Variants in ZFP64 observed in about 807,000 individuals in gnomAD.
The protein encoded by ZFP64 is zinc finger protein 64.
Under a neutral mutation model 51.6 loss-of-function variants are expected in ZFP64, and 14 were observed. That is an observed-to-expected ratio of 0.27 (90% CI 0.18 to 0.42). The LOEUF (loss-of-function observed/expected upper bound fraction) is 0.42, where lower values mean the gene tolerates loss of function less well. Among genes scored for constraint, ZFP64 ranks in the 10% least tolerant of loss-of-function variants. The pLI is 1.00. For synonymous variants in ZFP64, 375 were observed against 361.4 expected (o/e 1.04, Z -0.43); for missense variants, 754 against 906.8 (o/e 0.83, Z 2.16).
chr20:52,104,776 C>T (rs1264827139), intron 5 of ZFP64: 2 of 568,450 alleles, frequency 3.5e-6, no homozygotes, highest in South Asian at 1.5e-5. Flanking sequence ...TCCAGGCGCG[C>T]AGCCGAAGCC....
rs1981070167 is a variant in ZFP64 at position 52,153,639 on chromosome 20, A to G, written c.764-211T>C. On this transcript the variant is annotated intron_variant, in intron 5 of 5. Transcript: ENST00000216923. The surrounding 1 kb of genome is among the most constrained non-coding windows in gnomAD (Gnocchi z 5.1). ...AACCACCACCACCGGTATCAAACCCAGAAGAAAAATGGGAGATCGAAAAGA... is the reference window on the plus strand; with the variant it reads ...AACCACCACCACCGGTATCAAACCCGGAAGAAAAATGGGAGATCGAAAAGA... Among the ~76,000 whole-genome samples the G allele has an allele frequency of 6.6e-6, 1 of 152,258 alleles. No individual in the cohort carries two copies. Among genetic ancestry groups the G allele is most frequent in the East Asian group, 1.9e-4 (1 of 5,196 alleles).
chr20:52,181,771 C>G lies in ZFP64; in HGVS notation c.286+5061G>C, dbSNP rs569380783. On this transcript the variant is annotated intron_variant, in intron 2 of 5. Coordinates refer to ENST00000216923, the MANE Select transcript of ZFP64 (RefSeq NM_018197.3). ...ACATTCAGATTCAGGAGGTGGAGCC[C>G]GGGCACCGGTATCCTTAACAAGCTC... 3.2e-4 allele frequency among the ~76,000 whole-genome samples: 49 copies of G among 152,304 alleles called. No individual in the cohort carries two copies. In the South Asian group the frequency reaches 8.7e-3, roughly 27 times the overall value.
intron 5 of ZFP64, among the ~76,000 whole-genome samples, chr20:52,138,882 A>G (rs1473208785): frequency 6.6e-6 from 1 of 152,208 alleles, no homozygotes; most frequent in Non-Finnish European, 1.5e-5. Context: ...GCCATACAGA[A>G]AACTATTAAA....
At chr20:52,167,337 AAAAT>A (rs949498886) in intron 2 of ZFP64, among the ~76,000 whole-genome samples, 51 of 152,244 alleles carry the variant, frequency 3.3e-4, no homozygotes, top group African/African-American at 1.1e-3. Context: ...AAAAAAATAA[AAAAT>A]AAATAAAAAT....
chr20:52,179,862 A>G (rs1983491300), intron 2 of ZFP64, among the ~76,000 whole-genome samples: 1 of 152,210 alleles, frequency 6.6e-6, no homozygotes, highest in Admixed American at 6.5e-5. Flanking sequence ...TAATTCTATG[A>G]TTTGTTATTT....
At chr20:52,106,066 A>T (rs1214329298) in intron 5 of ZFP64, among the ~76,000 whole-genome samples, 2 of 152,124 alleles carry the variant, frequency 1.3e-5, no homozygotes, top group African/African-American at 2.4e-5. Context: ...GTGTGTTTTT[A>T]TATAGCACGC....
rs201593461 is a variant in ZFP64, at chr20:52,152,899, A to G, written c.1293T>C (p.Asp431=). The part of the protein sequence containing the change: ...AKKSFHCDIC[D]ASFMREDSLR... ...GCGAGTCCTCCCGCATGAAGGAGGC[A>G]TCGCATATATCGCAGTGGAAACTCT... The change falls in exon 6 of 6, where the codon GAT becomes GAC. Residue 431 remains aspartate (D), a synonymous_variant. Transcript: ENST00000216923. The G allele has an allele frequency of 5.0e-6, 8 of 1,614,014 alleles. No homozygotes were observed. Among genetic ancestry groups the G allele is most frequent in the African/African-American group, 4.0e-5 (3 of 75,062 alleles).
chr20:52,094,910 T>C lies in ZFP64; in HGVS notation c.976+2463A>G, dbSNP rs893321845. ...AATCCCAGGGGTTCTAACCCTACAA[T>C]GATGGTGACCTTGAGGCATGCCCAA... On this transcript the variant is annotated intron_variant, in intron 7 of 8. Coordinates refer to the ZFP64 transcript ENST00000361387. Among the ~76,000 whole-genome samples, 24 of 152,266 alleles carry C rather than the reference T, an allele frequency of 1.6e-4. No homozygotes were observed. In the East Asian group the frequency reaches 4.4e-3, roughly 28 times the overall value.
intron 2 of ZFP64, among the ~76,000 whole-genome samples, chr20:52,170,894 G>C (rs1234751272): frequency 6.6e-6 from 1 of 152,160 alleles, no homozygotes; most frequent in Non-Finnish European, 1.5e-5. Context: ...TAAATATATA[G>C]TGTGCAAATC....
At chr20:52,119,042 G>C (rs1156239057) in intron 5 of ZFP64, among the ~76,000 whole-genome samples, 1 of 152,146 alleles carries the variant, frequency 6.6e-6, no homozygotes, top group Non-Finnish European at 1.5e-5. Flanking sequence ...ATCAAAAAAG[G>C]TCGAGGGCAG....
chr20:52,105,359 C>T lies in ZFP64; in HGVS notation c.764-6772G>A, dbSNP rs1260716987. The T allele has an allele frequency of 2.4e-6, 3 of 1,242,140 alleles. No individual in the cohort carries two copies. In the South Asian group the frequency reaches 1.2e-4, roughly 48 times the overall value. The allele number at this position is 1,242,140 out of a possible 1,614,324, so 76.9% of individuals were successfully genotyped here. A position where few individuals can be genotyped will look rare whatever the true frequency, so the allele number is the denominator to read the frequency against. Reference sequence around the variant, plus strand: ...CGCATGTCCCGGCAATTCTGCTCATCAGCCGAGCAGGGCGATTTATCAAGA... The same window carrying T: ...CGCATGTCCCGGCAATTCTGCTCATTAGCCGAGCAGGGCGATTTATCAAGA... On this transcript the variant is annotated intron_variant, in intron 5 of 8. Coordinates refer to the ZFP64 transcript ENST00000361387.
intron 5 of ZFP64, among the ~76,000 whole-genome samples, chr20:52,127,140 CG>C: frequency 6.6e-6 from 1 of 151,932 alleles, no homozygotes; most frequent in Non-Finnish European, 1.5e-5. Context: ...TTAGTAGAGA[CG>C]GGGTTTCACC....
chr20:52,128,308 T>A (rs1300562698), intron 5 of ZFP64, among the ~76,000 whole-genome samples: 1 of 152,200 alleles, frequency 6.6e-6, no homozygotes, highest in East Asian at 1.9e-4. Flanking sequence ...TCCCATCAGG[T>A]CCACTGATAT....
rs1419088644 is a variant in ZFP64 at position 52,160,128 on chromosome 20, T to G, written c.758A>C (p.His253Pro). Reference sequence around the variant, plus strand: ...AAATAACAGGCAGGACTCACCCGTGTGGGATCGCAGGTGGACAGTGAGCTG... The same window carrying G: ...AAATAACAGGCAGGACTCACCCGTGGGGGATCGCAGGTGGACAGTGAGCTG... ...SSQLTVHLRS[H>P]TGDAPFQCWL... Residue 253 changes from histidine (H) to proline (P), a missense_variant, in exon 5 of 6, where the codon CAC becomes CCC. By Grantham distance (77) the His-to-Pro change is moderately conservative. Coordinates refer to ENST00000216923, the MANE Select transcript of ZFP64 (RefSeq NM_018197.3). This position sits in a 1 kb window ranked among gnomAD's most constrained non-coding sequence, Gnocchi z 4.2. 6.2e-7 allele frequency: 1 copy of G among 1,614,080 alleles called. No homozygotes were observed. The highest frequency in any genetic ancestry group is 8.5e-7 in the Non-Finnish European group (1 of 1,180,046).
At chr20:52,179,668 C>G (rs1446745795) in intron 2 of ZFP64, among the ~76,000 whole-genome samples, 2 of 152,234 alleles carry the variant, frequency 1.3e-5, no homozygotes, top group African/African-American at 4.8e-5. Flanking sequence ...TTCCCCATGT[C>G]ATTGTCCTCT....
At chr20:52,091,088 G>C (rs1166379759) in intron 7 of ZFP64, among the ~76,000 whole-genome samples, 1 of 152,052 alleles carries the variant, frequency 6.6e-6, no homozygotes, top group East Asian at 1.9e-4. Flanking sequence ...ACAAGAACTT[G>C]TCTCTATGAA....
At chr20:52,136,361 C>A (rs1024068244) in intron 5 of ZFP64, among the ~76,000 whole-genome samples, 11 of 152,142 alleles carry the variant, frequency 7.2e-5, no homozygotes, top group African/African-American at 2.2e-4. Flanking sequence ...GGGAAAGAAA[C>A]CCCAGGTTGT....
rs34646115 is a variant in ZFP64, at chr20:52,102,107, CA to C, written c.764-3521del. Among the ~76,000 whole-genome samples the C allele has an allele frequency of 2.1e-3, 136 of 63,422 alleles. 5 individuals are homozygous for C. Among genetic ancestry groups the C allele is most frequent in the South Asian group, 0.014 (30 of 2,176 alleles). The allele number at this position is 63,422 out of a possible 152,430, so 41.6% of individuals were successfully genotyped here. A position where few individuals can be genotyped will look rare whatever the true frequency, so the allele number is the denominator to read the frequency against. On this transcript the variant is annotated intron_variant, in intron 5 of 8. Transcript: ENST00000361387. The stretch of plus-strand genomic sequence containing the variant: ...AGCCTGGTGAGAGTAACTCCATCTC[CA>C]AAAAAAAAAAAAAAAAAGGCAGCAG...
At chr20:52,133,405 GAAA>G (rs1481949998) in intron 5 of ZFP64, among the ~76,000 whole-genome samples, 2 of 151,778 alleles carry the variant, frequency 1.3e-5, no homozygotes, top group African/African-American at 4.8e-5. Context: ...TGGAAAGGAA[GAAA>G]TCAAATTATC....
Sources: allele counts gnomAD v4.1 joint callset (sites outside exome capture counted in the v4.1 genomes callset), GRCh38; gene constraint gnomAD v4.1.1; non-coding constraint Gnocchi (gnomAD v3.1); transcripts MANE v1.5; gene names NCBI Gene and HGNC (gene_info 2026-07-23, HGNC 2026-07-21).